The following ERBB4 variants were observed in gnomAD, a reference collection of about 807,000 sequenced individuals.
The protein encoded by ERBB4 is erb-b2 receptor tyrosine kinase 4.
Under a neutral mutation model 158.0 loss-of-function variants are expected in ERBB4, and 42 were observed. The observed-to-expected ratio is 0.27, with a 90% CI of 0.21 to 0.34. ERBB4 has a LOEUF of 0.34. Ranked by LOEUF, ERBB4 falls within the 10% of genes least tolerant of loss-of-function variation. The pLI, the probability that ERBB4 is intolerant of heterozygous loss-of-function variation, is 1.00. For missense variants in ERBB4, 1,333 were observed against 1,624.1 expected, an observed-to-expected ratio of 0.82 and a Z score of 3.08; for synonymous variants, 583 against 558.7, an observed-to-expected ratio of 1.04 and a Z score of -0.61.
chr2:212,465,844 T>C (rs1553644660), intron 1 of ERBB4, among the ~76,000 whole-genome samples: 2 of 152,200 alleles, frequency 1.3e-5, no homozygotes, highest in Non-Finnish European at 2.9e-5. Context: ...CCTAGTTTGC[T>C]ACAAACAAAC....
chr2:211,960,079 A>G (rs2081141281), intron 2 of ERBB4, among the ~76,000 whole-genome samples: 1 of 152,122 alleles, frequency 6.6e-6, no homozygotes, highest in Non-Finnish European at 1.5e-5. Context: ...AAGGTTGTTA[A>G]GTGTTCCACA....
At chr2:211,560,619 A>G (rs1461566781) in intron 20 of ERBB4, among the ~76,000 whole-genome samples, 4 of 152,004 alleles carry the variant, frequency 2.6e-5, no homozygotes. Flanking sequence ...ATGATTTGAT[A>G]AGTTCTATTG....
intron 20 of ERBB4, among the ~76,000 whole-genome samples, chr2:211,445,411 T>C (rs2064086799): frequency 6.6e-6 from 1 of 152,240 alleles, no homozygotes; most frequent in African/African-American, 2.4e-5. Flanking sequence ...ATAACTCAGA[T>C]ACTTTCTTCC....
chr2:211,978,388 G>A (rs201619434), intron 2 of ERBB4, among the ~76,000 whole-genome samples: 9 of 112,392 alleles, frequency 8.0e-5, no homozygotes, highest in African/African-American at 2.5e-4. Flanking sequence ...CTGTCTGTCT[G>A]TCTGTCTGTC....
rs565335540 is a variant in ERBB4 at position 212,202,237 on chromosome 2, T to C, written c.83-77334A>G. On this transcript the variant is annotated intron_variant, in intron 1 of 27. Transcript: ENST00000342788. ...TAGTAACTTTCTTTGGTTTTATCAA[T>C]AGTGCATATTCATCATTTCTATGTT... 6.0e-3 allele frequency among the ~76,000 whole-genome samples: 921 copies of C among 152,332 alleles called. 2 individuals carry two copies. Among genetic ancestry groups the C allele is most frequent in the Non-Finnish European group, 0.01 (712 of 68,020 alleles).
intron 1 of ERBB4, among the ~76,000 whole-genome samples, chr2:212,427,463 T>G (rs1180367681): frequency 6.6e-6 from 1 of 152,092 alleles, no homozygotes. Context: ...TCAAACTTAT[T>G]TTGGGTTCCC....
At chr2:212,131,978 T>A (rs1474007966) in intron 1 of ERBB4, among the ~76,000 whole-genome samples, 2 of 152,216 alleles carry the variant, frequency 1.3e-5, no homozygotes, top group African/African-American at 4.8e-5. Context: ...CATAAGTATT[T>A]ATTCCTTATT....
intron 3 of ERBB4, among the ~76,000 whole-genome samples, chr2:211,875,023 T>C (rs1418137781): frequency 9.7e-5 from 1 of 10,278 alleles, no homozygotes; most frequent in East Asian, 1.5e-3. Context: ...CAAATAGAAA[T>C]GCAAAAAAAA....
intron 1 of ERBB4, among the ~76,000 whole-genome samples, chr2:212,288,858 T>A (rs2086101370): frequency 6.6e-6 from 1 of 152,036 alleles, no homozygotes; most frequent in African/African-American, 2.4e-5. Context: ...CCAATTTGTA[T>A]CTCATTTAAT....
chr2:211,802,249 ACT>A (rs1009887459), intron 3 of ERBB4, among the ~76,000 whole-genome samples: 8 of 136,922 alleles, frequency 5.8e-5, no homozygotes, highest in African/African-American at 2.3e-4. Context: ...AAAGAGCGAG[ACT>A]CAGTCTCCAA....
rs55923663 is a variant in ERBB4 at position 211,705,346 on chromosome 2, G to A, written c.1170C>T (p.Asn390=). 1,692 of 1,612,618 alleles carry A rather than the reference G, an allele frequency of 1.0e-3. 4 individuals carry two copies. Among genetic ancestry groups the A allele is most frequent in the Admixed American group, 1.3e-3 (80 of 59,988 alleles). The change falls in exon 10 of 28, where the codon AAC becomes AAT. Residue 390 remains asparagine (N), a synonymous_variant. Coordinates refer to ENST00000342788, the MANE Select transcript of ERBB4 (RefSeq NM_005235.3). ...TTATCTCTCTGACTGTCCGAAAGAC[G>A]TTCAGTTTCTCTGGGTCTATGGCTT... is the stretch of plus-strand genomic sequence containing the variant. ...AIEAIDPEKL[N]VFRTVREITG... is the part of the protein sequence containing the mutation.
intron 16 of ERBB4, among the ~76,000 whole-genome samples, chr2:211,631,136 G>T (rs1412107794): frequency 6.6e-6 from 1 of 152,082 alleles, no homozygotes; most frequent in East Asian, 1.9e-4. Context: ...TCCCTGAGAT[G>T]CCAGTAGCAC....
At chr2:212,128,484 G>A (rs936146356) in intron 1 of ERBB4, among the ~76,000 whole-genome samples, 5 of 152,182 alleles carry the variant, frequency 3.3e-5, no homozygotes, top group African/African-American at 7.2e-5. Flanking sequence ...ATCTTGGACC[G>A]TAAGAATGAG....
intron 1 of ERBB4, among the ~76,000 whole-genome samples, chr2:212,299,028 G>A (rs2086523106): frequency 6.6e-6 from 1 of 151,618 alleles, no homozygotes; most frequent in South Asian, 2.1e-4. Context: ...AGTTTTTAAA[G>A]TGTCAGTCAC....
chr2:211,701,957 A>T lies in ERBB4; in HGVS notation c.1489+10T>A. Reference sequence around the variant, plus strand: ...TTTCTATGTTTTAAATGTCTGAGTAATGTACTTACTACAATTTTCAGCTTT... The same window carrying T: ...TTTCTATGTTTTAAATGTCTGAGTATTGTACTTACTACAATTTTCAGCTTT... On this transcript the variant is annotated intron_variant, in intron 12 of 27. Coordinates refer to ENST00000342788, the MANE Select transcript of ERBB4 (RefSeq NM_005235.3). The T allele has an allele frequency of 3.1e-6, 5 of 1,593,156 alleles. No individual in the cohort carries two copies. Among genetic ancestry groups the T allele is most frequent in the Non-Finnish European group, 4.3e-6 (5 of 1,160,960 alleles).
At chr2:211,860,214 T>C (rs544981737) in intron 3 of ERBB4, among the ~76,000 whole-genome samples, 1 of 152,164 alleles carries the variant, frequency 6.6e-6, no homozygotes, top group African/African-American at 2.4e-5. Context: ...ATACTGGACA[T>C]AGAGAAACAA....
chr2:212,004,584 T>C (rs977417885), intron 2 of ERBB4, among the ~76,000 whole-genome samples: 1 of 152,176 alleles, frequency 6.6e-6, no homozygotes, highest in African/African-American at 2.4e-5. Context: ...TTTTATTTTT[T>C]AAACTTGACT....
intron 2 of ERBB4, among the ~76,000 whole-genome samples, chr2:212,065,360 T>C (rs2125433367): frequency 6.6e-6 from 1 of 152,076 alleles, no homozygotes; most frequent in South Asian, 2.1e-4. Flanking sequence ...CATGCAAAAT[T>C]GCCTACAAAA....
At chr2:211,808,767 T>A (rs553958126) in intron 3 of ERBB4, among the ~76,000 whole-genome samples, 45 of 152,222 alleles carry the variant, frequency 3.0e-4, no homozygotes, top group African/African-American at 9.9e-4. Flanking sequence ...TGAGCATTGA[T>A]TGTTCTTCCA....
Sources: gnomAD v4.1 joint callset for allele counts (sites outside exome capture counted in the v4.1 genomes callset) on GRCh38, gnomAD v4.1.1 for gene constraint, MANE v1.5 for transcripts, NCBI Gene and HGNC (gene_info 2026-07-23, HGNC 2026-07-21) for gene names.